The following FGGY variants were observed in gnomAD, a reference collection of about 807,000 sequenced individuals.
The protein encoded by FGGY is FGGY carbohydrate kinase domain containing, also known as FGGY carbohydrate kinase domain-containing protein.
Under a neutral mutation model 71.3 loss-of-function variants are expected in FGGY, and 72 were observed. The observed-to-expected ratio is 1.01, with a 90% confidence interval of 0.84 to 1.23. The LOEUF is 1.23. FGGY is among the 50% of genes most tolerant of loss of function. The probability of loss-of-function intolerance (pLI) is 0.00; values close to 1 mark genes in which losing one functional copy is unlikely to be tolerated. For synonymous variants in FGGY, 251 were observed against 250.3 expected (o/e 1.00, Z -0.02); for missense variants, 668 against 682.3 (o/e 0.98, Z 0.23).
At chr1:59,354,926 T>C (rs2054012021) in intron 4 of FGGY, among the ~76,000 whole-genome samples, 1 of 152,208 alleles carries the variant, frequency 6.6e-6, no homozygotes, top group African/African-American at 2.4e-5. Flanking sequence ...ACAGATTCAC[T>C]GTGGGGGAGG....
chr1:59,641,150 T>C, intron 11 of FGGY: 1 of 650,204 alleles, frequency 1.5e-6, no homozygotes. Flanking sequence ...TGCAGTATTC[T>C]AGAGGGAAGA....
rs79674664 is a variant in FGGY, at chr1:59,617,163, G to T, written c.1012-8825G>T. On this transcript the variant is annotated intron_variant, in intron 9 of 15. Coordinates refer to ENST00000303721, the MANE Select transcript of FGGY (RefSeq NM_018291.5). ...TCTGCTCCAGTAGTACATTGTCCAT[G>T]GTTTCAACGATGCCACACAGTCATA... Among the ~76,000 whole-genome samples the T allele has an allele frequency of 9.4e-4, 143 of 152,030 alleles. 2 individuals are homozygous for T. Among genetic ancestry groups the T allele is most frequent in the African/African-American group, 3.3e-3 (136 of 41,486 alleles).
At chr1:59,345,510 C>T (rs549457403) in intron 3 of FGGY, among the ~76,000 whole-genome samples, 3 of 152,242 alleles carry the variant, frequency 2.0e-5, no homozygotes, top group South Asian at 2.1e-4. Context: ...AAATTCTCCT[C>T]CTTATGATTT....
chr1:59,461,357 G>A (rs2092195194), intron 6 of FGGY, among the ~76,000 whole-genome samples: 1 of 152,160 alleles, frequency 6.6e-6, no homozygotes, highest in South Asian at 2.1e-4. Flanking sequence ...AAAGCAAGAA[G>A]AGAAGTTTAG....
intron 2 of FGGY, among the ~76,000 whole-genome samples, chr1:59,335,782 A>G (rs913742182): frequency 7.1e-4 from 108 of 152,206 alleles, no homozygotes; most frequent in Non-Finnish European, 4.7e-4. Flanking sequence ...GCACTTTTTC[A>G]TGTGTACATT....
intron 4 of FGGY, among the ~76,000 whole-genome samples, chr1:59,377,395 T>C (rs72911694): frequency 0.022 from 3,415 of 152,192 alleles, 108 homozygotes; most frequent in African/African-American, 0.078. Flanking sequence ...CATCCTTCTG[T>C]ATTTGGTGGC....
Position 59,437,454 on chromosome 1 carries a change from A to C in FGGY, c.555-19507A>C, listed in dbSNP as rs565174244. Among the ~76,000 whole-genome samples, 3 of 152,362 alleles carry C rather than the reference A, an allele frequency of 2.0e-5. No individual in the cohort carries two copies. In the South Asian group the frequency reaches 6.2e-4, roughly 32 times the overall value. On this transcript the variant is annotated intron_variant, in intron 5 of 15. Transcript: ENST00000303721. The stretch of plus-strand genomic sequence containing the variant: ...ATTCTCTGGAAAGTTTCAAACATAC[A>C]CATCAGCAAAGAGTATAATGAAATC...
At chr1:59,374,316 C>T (rs1435799445) in intron 4 of FGGY, among the ~76,000 whole-genome samples, 5 of 152,226 alleles carry the variant, frequency 3.3e-5, no homozygotes, top group Admixed American at 3.3e-4. Context: ...CTCACCATCA[C>T]TGGCCATCAG....
At chr1:59,297,172 G>C (rs1026600503) in intron 1 of FGGY, 22 bp downstream of exon 1, 3 of 152,366 alleles carry the variant, frequency 2.0e-5, no homozygotes, top group African/African-American at 2.4e-5. Flanking sequence ...GGCCACTTAA[G>C]GGAAGGGAAG....
At chr1:59,587,029 C>T (rs1250062273) in intron 8 of FGGY, among the ~76,000 whole-genome samples, 1 of 152,226 alleles carries the variant, frequency 6.6e-6, no homozygotes, top group Non-Finnish European at 1.5e-5. Flanking sequence ...TCAGGGAGTT[C>T]CCTTTCCTAG....
intron 5 of FGGY, among the ~76,000 whole-genome samples, chr1:59,430,638 A>G (rs2067183315): frequency 6.6e-6 from 1 of 152,200 alleles, no homozygotes. Flanking sequence ...TGTAGACTTA[A>G]TAAAAAATCT....
At chr1:59,422,769 A>T (rs1349698251) in intron 5 of FGGY, among the ~76,000 whole-genome samples, 1 of 152,174 alleles carries the variant, frequency 6.6e-6, no homozygotes, top group African/African-American at 2.4e-5. Context: ...GCACTAGGTA[A>T]ATATTAATAA....
intron 4 of FGGY, among the ~76,000 whole-genome samples, chr1:59,347,963 C>G (rs534026109): frequency 6.6e-6 from 1 of 151,986 alleles, no homozygotes; most frequent in South Asian, 2.1e-4. Context: ...AATGGGATCT[C>G]ATTAAACTAA....
At chr1:59,565,130 TA>T (rs1305120114) in intron 8 of FGGY, among the ~76,000 whole-genome samples, 1 of 152,168 alleles carries the variant, frequency 6.6e-6, no homozygotes, top group Non-Finnish European at 1.5e-5. Flanking sequence ...CAATAACAGC[TA>T]ATATTTATTA....
chr1:59,653,848 A>T (rs1280447996), intron 11 of FGGY, among the ~76,000 whole-genome samples: 4 of 152,046 alleles, frequency 2.6e-5, no homozygotes, highest in African/African-American at 4.8e-5. Context: ...TCCGATTTCT[A>T]TTTCTGCTTC....
chr1:59,704,112 C>T (rs1428150290), intron 14 of FGGY, among the ~76,000 whole-genome samples: 2 of 151,988 alleles, frequency 1.3e-5, no homozygotes, highest in African/African-American at 4.8e-5. Context: ...TGTATATGTG[C>T]GCACATGTTC....
At chr1:59,737,424 G>T (rs2098115399) in intron 14 of FGGY, among the ~76,000 whole-genome samples, 1 of 152,228 alleles carries the variant, frequency 6.6e-6, no homozygotes, top group South Asian at 2.1e-4. Flanking sequence ...GAAAGCATCT[G>T]GGAGGGAGGT....
intron 8 of FGGY, among the ~76,000 whole-genome samples, chr1:59,579,042 T>G (rs967648892): frequency 1.1e-4 from 17 of 152,158 alleles, no homozygotes; most frequent in African/African-American, 3.9e-4. Flanking sequence ...ATCAGACATT[T>G]GTACAAACTT....
intron 14 of FGGY, among the ~76,000 whole-genome samples, chr1:59,711,212 G>A (rs1324643272): frequency 3.3e-5 from 5 of 152,076 alleles, no homozygotes; most frequent in Non-Finnish European, 5.9e-5. Flanking sequence ...AACACCACAT[G>A]TTCTCACTCA....
Sources: gnomAD v4.1 joint callset for allele counts (sites outside exome capture counted in the v4.1 genomes callset) on GRCh38, gnomAD v4.1.1 for gene constraint, MANE v1.5 for transcripts, NCBI Gene and HGNC (gene_info 2026-07-23, HGNC 2026-07-21) for gene names.